PARP1: variants seen among roughly 807,000 people sequenced by gnomAD.
PARP1 encodes the protein poly [ADP-ribose] polymerase 1.
In PARP1, 44 loss-of-function variants were observed where a neutral mutation model predicts 118.7. The observed-to-expected ratio is 0.37, with a 90% confidence interval of 0.29 to 0.48. PARP1 has a LOEUF of 0.48. Among genes scored for constraint, PARP1 ranks in the 20% least tolerant of loss-of-function variants. The pLI is 0.99. For missense variants in PARP1, 1,100 were observed against 1,272.4 expected (o/e 0.86, Z 2.06); for synonymous variants, 492 against 483.2 (o/e 1.02, Z -0.24).
intron 5 of PARP1, among the ~76,000 whole-genome samples, chr1:226,387,046 G>A (rs1015868501): frequency 6.6e-6 from 1 of 152,058 alleles, no homozygotes; most frequent in African/African-American, 2.4e-5. Context: ...GCAATGATGC[G>A]GTCTCAGCTC....
chr1:226,371,265 G>A (rs1272726971), intron 14 of PARP1: 3 of 152,906 alleles, frequency 2.0e-5, no homozygotes, highest in Non-Finnish European at 4.4e-5. Context: ...CCCACACTCT[G>A]TATCCTGAGA....
At chr1:226,384,867 C>A (rs372913252) in intron 7 of PARP1, among the ~76,000 whole-genome samples, 2 of 152,170 alleles carry the variant, frequency 1.3e-5, no homozygotes, top group African/African-American at 4.8e-5. Context: ...GCGAGGGAAG[C>A]AGCTTGGTGA....
At chr1:226,384,378 T>C (rs1182148823) in intron 7 of PARP1, among the ~76,000 whole-genome samples, 1 of 152,272 alleles carries the variant, frequency 6.6e-6, no homozygotes. Context: ...CTTGATTCTG[T>C]GGGACAAGTG....
At chr1:226,386,280 G>C (rs755976092) in intron 6 of PARP1, 46 bp downstream of exon 6, 14 of 1,128,964 alleles carry the variant, frequency 1.2e-5, no homozygotes, top group Non-Finnish European at 1.9e-5. Context: ...CACAACGACG[G>C]GGTCGGCCTC....
At chr1:226,385,717 C>T (rs200447443) in intron 6 of PARP1, 37 bp from the exon 7 acceptor site, 63 of 1,585,164 alleles carry the variant, frequency 4.0e-5, no homozygotes, top group African/African-American at 3.5e-4. Context: ...AGGGCAAATG[C>T]GGGACTACAA....
chr1:226,387,001 G>C (rs1412270720), intron 5 of PARP1, among the ~76,000 whole-genome samples: 2 of 152,006 alleles, frequency 1.3e-5, no homozygotes, highest in Non-Finnish European at 2.9e-5. Context: ...TTTTTTCTTT[G>C]AGATGGAGTC....
intron 22 of PARP1, 73 bp from the exon 23 acceptor site, chr1:226,361,614 G>A: frequency 9.0e-7 from 1 of 1,108,150 alleles, no homozygotes; most frequent in Non-Finnish European, 1.4e-6. Context: ...TCTCCCCCAG[G>A]CTGGCAGGAC....
rs199649644 is a variant in PARP1 at position 226,388,624 on chromosome 1, T to A, written c.717+32A>T. 165 of 1,366,236 alleles carry A rather than the reference T, an allele frequency of 1.2e-4. 1 individual carries two copies. In the African/African-American group the frequency reaches 2.2e-3, roughly 18 times the overall value. 84.6% of individuals were successfully genotyped at this position (1,366,236 alleles called of 1,614,324 possible). Reference sequence around the variant, plus strand: ...GAGAAAGAGAATCCAGACAGCAGAATGTCGAAAGGAGACACAGAGCTGAGA... The same window carrying A: ...GAGAAAGAGAATCCAGACAGCAGAAAGTCGAAAGGAGACACAGAGCTGAGA... On this transcript the variant is annotated intron_variant, in intron 5 of 22. Transcript: ENST00000366794.
intron 2 of PARP1, among the ~76,000 whole-genome samples, chr1:226,396,749 C>A (rs1448844870): frequency 2.0e-5 from 3 of 151,972 alleles, no homozygotes; most frequent in Non-Finnish European, 4.4e-5. Flanking sequence ...GTCAGCCTGG[C>A]CAATATGGCA....
intron 5 of PARP1, among the ~76,000 whole-genome samples, chr1:226,386,681 G>C (rs374002202): frequency 1.3e-5 from 2 of 152,192 alleles, no homozygotes; most frequent in African/African-American, 4.8e-5. Context: ...GAAGCCCTAA[G>C]GGTGTGGGGG....
At chr1:226,382,889 C>A in intron 8 of PARP1, 147 bp downstream of exon 8, 1 of 836,988 alleles carries the variant, frequency 1.2e-6, no homozygotes, top group Non-Finnish European at 2.0e-6. Context: ...AGAGGCCTAT[C>A]CCCTGCAGGG....
chr1:226,379,305 C>A (rs1467536156), intron 11 of PARP1, 31 bp from the exon 12 acceptor site: 2 of 1,614,036 alleles, frequency 1.2e-6, no homozygotes, highest in African/African-American at 2.7e-5. Context: ...CTACAGTTTT[C>A]TCTCCCCTTG....
chr1:226,376,800 G>A (rs564850928), intron 13 of PARP1, among the ~76,000 whole-genome samples: 60 of 152,290 alleles, frequency 3.9e-4, no homozygotes, highest in Non-Finnish European at 6.9e-4. Flanking sequence ...TATGCTGCTG[G>A]ATTCGGTTTG....
chr1:226,365,234 A>C, intron 18 of PARP1, 80 bp from the exon 19 acceptor site: 1 of 1,447,414 alleles, frequency 6.9e-7, no homozygotes, highest in Admixed American at 1.7e-5. Flanking sequence ...GACTGGATAC[A>C]CGAGAAATGA....
At chr1:226,407,022 A>C (rs957545339) in intron 1 of PARP1, among the ~76,000 whole-genome samples, 3 of 152,212 alleles carry the variant, frequency 2.0e-5, no homozygotes, top group African/African-American at 7.2e-5. Flanking sequence ...AGACATCGGC[A>C]AACTGGAAGC....
intron 14 of PARP1, among the ~76,000 whole-genome samples, chr1:226,372,778 T>G (rs1295137991): frequency 6.6e-6 from 1 of 152,148 alleles, no homozygotes; most frequent in Admixed American, 6.5e-5. Context: ...GAATCACAGA[T>G]AGACCAAGGT....
chr1:226,370,588 GC>G, intron 14 of PARP1, 71 bp from the exon 15 acceptor site: 1 of 1,271,976 alleles, frequency 7.9e-7, no homozygotes, highest in Non-Finnish European at 1.1e-6. Flanking sequence ...GCTGGACCGG[GC>G]AGCCCACCCT....
chr1:226,365,401 T>C (rs1333819835), intron 18 of PARP1, among the ~76,000 whole-genome samples: 1 of 152,238 alleles, frequency 6.6e-6, no homozygotes, highest in East Asian at 1.9e-4. Context: ...GAACTTTATC[T>C]TGGACATCTG....
chr1:226,402,064 G>C, intron 2 of PARP1, 150 bp downstream of exon 2: 1 of 1,557,890 alleles, frequency 6.4e-7, no homozygotes, highest in Non-Finnish European at 8.7e-7. Context: ...TCCAGGAGGT[G>C]TTGCTGAAAT....
Sources: allele counts gnomAD v4.1 joint callset (sites outside exome capture counted in the v4.1 genomes callset), GRCh38; gene constraint gnomAD v4.1.1; transcripts MANE v1.5; gene names NCBI Gene and HGNC (gene_info 2026-07-23, HGNC 2026-07-21).